Variants in BCL7C observed in about 807,000 individuals in gnomAD.
The protein encoded by BCL7C is BAF chromatin remodeling complex subunit BCL7C, also known as B-cell CLL/lymphoma 7 protein family member C.
BCL7C carries 8 observed loss-of-function variants against 26.2 expected under a neutral mutation model. The ratio of observed to expected loss-of-function variants is 0.30; its 90% confidence interval spans 0.18 to 0.55. The LOEUF (loss-of-function observed/expected upper bound fraction) is 0.55. BCL7C is among the 20% of genes least tolerant of loss of function. The pLI is 0.93. For missense variants in BCL7C, 262 were observed against 298.5 expected, an observed-to-expected ratio of 0.88 and a Z score of 0.90; for synonymous variants, 90 against 116.5, an observed-to-expected ratio of 0.77 and a Z score of 1.47.
chr16:30,877,109 G>A (rs535546082), intron 5 of BCL7C, among the ~76,000 whole-genome samples: 38 of 152,192 alleles, frequency 2.5e-4, no homozygotes, highest in African/African-American at 8.0e-4. Flanking sequence ...ACCAGGGAGC[G>A]GTAGGGATTG....
downstream of BCL7C, among the ~76,000 whole-genome samples, chr16:30,887,476 C>CA (rs397854743): frequency 0.022 from 1,658 of 75,384 alleles, 35 homozygotes; most frequent in African/African-American, 0.07. Flanking sequence ...GTCTGTGTCT[C>CA]AAAAAAAAAA....
intron 5 of BCL7C, chr16:30,835,154 C>T (rs1375244783): frequency 4.1e-6 from 6 of 1,475,702 alleles, no homozygotes; most frequent in Non-Finnish European, 5.4e-6. Context: ...GAATCCTGTA[C>T]GGAGAAAAGA....
intron 5 of BCL7C, among the ~76,000 whole-genome samples, chr16:30,859,503 G>T (rs1341503070): frequency 1.3e-5 from 2 of 152,154 alleles, no homozygotes; most frequent in Admixed American, 6.6e-5. Flanking sequence ...TGACCTGCAT[G>T]TATACATCCA....
chr16:30,879,133 T>G (rs904119511), intron 5 of BCL7C, among the ~76,000 whole-genome samples: 1 of 152,122 alleles, frequency 6.6e-6, no homozygotes, highest in Non-Finnish European at 1.5e-5. Context: ...CCCAGTTTGC[T>G]CAAGACTGGG....
At chr16:30,884,499 T>G (rs185568607), downstream of BCL7C, among the ~76,000 whole-genome samples, 1,699 of 148,214 alleles carry the variant, frequency 0.011, 42 homozygotes, top group African/African-American at 0.04. Flanking sequence ...TTTGTTTTTT[T>G]TTTTTTTTTT....
intron 5 of BCL7C, among the ~76,000 whole-genome samples, chr16:30,882,503 G>A (rs2055059067): frequency 6.6e-6 from 1 of 152,162 alleles, no homozygotes; most frequent in Admixed American, 6.5e-5. Context: ...CTTGAAAACT[G>A]CTTTGGCATC....
rs376587974 is a variant in BCL7C, at chr16:30,878,252, C to T, written c.528+10608G>A. Among the ~76,000 whole-genome samples the T allele has an allele frequency of 5.6e-4, 85 of 151,900 alleles. 1 individual carries two copies. The highest frequency in any genetic ancestry group is 2.0e-3 in the African/African-American group (83 of 41,416). Reference sequence around the variant, plus strand: ...CAATGTAAAATGTCTGGGGTGGGGCCGGGTGTGGTGGCTCATGCCTGTAAT... The same window carrying T: ...CAATGTAAAATGTCTGGGGTGGGGCTGGGTGTGGTGGCTCATGCCTGTAAT... On this transcript the variant is annotated intron_variant, in intron 5 of 5. Transcript: ENST00000380317.
chr16:30,878,468 G>C (rs543358880), intron 5 of BCL7C, among the ~76,000 whole-genome samples: 1 of 151,484 alleles, frequency 6.6e-6, no homozygotes, highest in South Asian at 2.1e-4. Flanking sequence ...GAACCCAGGA[G>C]GCAGAGGTTG....
At chr16:30,843,611 G>C (rs1353328253) in intron 5 of BCL7C, among the ~76,000 whole-genome samples, 1 of 151,996 alleles carries the variant, frequency 6.6e-6, no homozygotes, top group Non-Finnish European at 1.5e-5. Context: ...TTCTATTGGT[G>C]TTTGCCATGT....
At chr16:30,858,592 C>T (rs2054744056) in intron 5 of BCL7C, among the ~76,000 whole-genome samples, 1 of 152,186 alleles carries the variant, frequency 6.6e-6, no homozygotes, top group African/African-American at 2.4e-5. Flanking sequence ...GTGGTTACTT[C>T]CTCAATGCCA....
intron 5 of BCL7C, among the ~76,000 whole-genome samples, chr16:30,845,327 T>G (rs1300717977): frequency 1.3e-5 from 2 of 152,204 alleles, no homozygotes; most frequent in Non-Finnish European, 2.9e-5. Flanking sequence ...GCCACTTGGT[T>G]CCTGTATGGG....
At chr16:30,868,807 C>G (rs2143022007) in intron 5 of BCL7C, among the ~76,000 whole-genome samples, 1 of 150,808 alleles carries the variant, frequency 6.6e-6, no homozygotes, top group East Asian at 2.0e-4. Flanking sequence ...AAAACAACAG[C>G]AACAACAAAG....
intron 5 of BCL7C, among the ~76,000 whole-genome samples, chr16:30,877,594 C>T (rs896287379): frequency 6.6e-6 from 1 of 152,064 alleles, no homozygotes; most frequent in East Asian, 2.0e-4. Context: ...CACCCGCCAC[C>T]GCGCCCAGCT....
intron 5 of BCL7C, among the ~76,000 whole-genome samples, chr16:30,848,930 G>A (rs1424874764): frequency 6.7e-6 from 1 of 149,068 alleles, no homozygotes; most frequent in East Asian, 2.0e-4. Flanking sequence ...GTTCATGCCT[G>A]TAATCCCAGC....
At chr16:30,856,802 G>C (rs2054726396) in intron 5 of BCL7C, among the ~76,000 whole-genome samples, 1 of 152,198 alleles carries the variant, frequency 6.6e-6, no homozygotes, top group Non-Finnish European at 1.5e-5. Context: ...GTCAGCTAGA[G>C]GTGAGAGCGT....
rs2054847773 is a variant in BCL7C, at chr16:30,868,313, A to AT, written c.528+20546dup. Reference sequence around the variant, plus strand: ...CGGCTAATTTTTTTTTTTTTTTTGTATTTTTAGTAGAGACAGGGTTTCACC... The same window carrying AT: ...CGGCTAATTTTTTTTTTTTTTTTGTATTTTTTAGTAGAGACAGGGTTTCACC... On this transcript the variant is annotated intron_variant, in intron 5 of 5. Coordinates refer to the BCL7C transcript ENST00000380317. Among the ~76,000 whole-genome samples, 3 of 99,678 alleles carry AT rather than the reference A, an allele frequency of 3.0e-5. No homozygotes were observed. The South Asian group carries it at 9.2e-4, about 31-fold the overall frequency. 65.4% of individuals were successfully genotyped at this position (99,678 alleles called of 152,430 possible).
chr16:30,845,003 A>G (rs1168817536), intron 5 of BCL7C, among the ~76,000 whole-genome samples: 1 of 152,140 alleles, frequency 6.6e-6, no homozygotes, highest in Non-Finnish European at 1.5e-5. Flanking sequence ...TCTCTGCCCT[A>G]GATGCATGTC....
chr16:30,882,998 G>A (rs894512176), downstream of BCL7C, among the ~76,000 whole-genome samples: 4 of 152,218 alleles, frequency 2.6e-5, no homozygotes, highest in Non-Finnish European at 5.9e-5. Flanking sequence ...CAATGGAGAT[G>A]TGATGCAGCC....
intron 5 of BCL7C, among the ~76,000 whole-genome samples, chr16:30,881,976 T>G (rs572884261): frequency 7.9e-5 from 12 of 152,246 alleles, no homozygotes; most frequent in Non-Finnish European, 1.6e-4. Context: ...GTGTTCTTTT[T>G]TTTTTTGAGA....
Sources: gnomAD v4.1 joint callset for allele counts (sites outside exome capture counted in the v4.1 genomes callset) on GRCh38, gnomAD v4.1.1 for gene constraint, MANE v1.5 for transcripts, NCBI Gene and HGNC (gene_info 2026-07-23, HGNC 2026-07-21) for gene names.